The following IL18RAP variants were observed in gnomAD, a reference collection of about 807,000 sequenced individuals.
The protein encoded by IL18RAP is interleukin 18 receptor accessory protein, also known as interleukin-18 receptor accessory protein.
Under a neutral mutation model 58.1 loss-of-function variants are expected in IL18RAP, and 37 were observed. The observed-to-expected ratio is 0.64, with a 90% CI of 0.49 to 0.84. The LOEUF (loss-of-function observed/expected upper bound fraction) is 0.84, where lower values mean the gene tolerates loss of function less well. Ranked by LOEUF, IL18RAP falls within the 40% of genes least tolerant of loss-of-function variation. The probability of loss-of-function intolerance (pLI) is 0.00; values close to 1 mark genes in which losing one functional copy is unlikely to be tolerated. For missense variants in IL18RAP, 667 were observed against 704.8 expected (o/e 0.95, Z 0.61); for synonymous variants, 268 against 257.5 (o/e 1.04, Z -0.39).
In IL18RAP at chr2:102,452,052, C is replaced by T; in HGVS notation, c.1671C>T (p.Tyr557=). 6.2e-7 allele frequency: 1 copy of T among 1,614,156 alleles called. No individual in the cohort carries two copies. The highest frequency in any genetic ancestry group is 8.5e-7 in the Non-Finnish European group (1 of 1,180,040). ...PNSRFWAKMR[Y]HMPVKNSQGF... ...CTAGGTTCTGGGCCAAAATGCGCTA[C>T]CACATGCCTGTGAAAAACTCTCAGG... The change falls in exon 10 of 10, where the codon TAC becomes TAT. Residue 557 remains tyrosine (Y), a synonymous_variant. Transcript: ENST00000687160.
intron 5 of IL18RAP, among the ~76,000 whole-genome samples, chr2:102,442,737 T>C (rs1683180572): frequency 7.0e-6 from 1 of 142,962 alleles, no homozygotes; most frequent in South Asian, 2.3e-4. Context: ...TTGCTTAATA[T>C]CGAAATAATT....
At chr2:102,441,119 C>T (rs1683076746) in intron 4 of IL18RAP, among the ~76,000 whole-genome samples, 193 bp from the exon 5 acceptor site, 1 of 152,180 alleles carries the variant, frequency 6.6e-6, no homozygotes, top group South Asian at 2.1e-4. Flanking sequence ...CACCCACAAC[C>T]TGATGTGGCA....
At position 102,437,444 on chromosome 2, in the gene IL18RAP, C is replaced by T. The variant is rs1293835265; in HGVS notation, c.730+82C>T. 3 of 1,394,926 alleles carry T rather than the reference C, an allele frequency of 2.2e-6. No individual in the cohort carries two copies. The South Asian group carries it at 4.1e-5, about 19-fold the overall frequency. The allele number at this position is 1,394,926 out of a possible 1,614,324, so 86.4% of individuals were successfully genotyped here. On this transcript the variant is annotated intron_variant, in intron 4 of 9. Transcript: ENST00000687160. The stretch of plus-strand genomic sequence containing the variant: ...TCTTTTGGCTTAGTAAGTTTTTCCT[C>T]TTAGGGAAAGAAAAGGATAGTCATA...
At chr2:102,426,458 T>A (rs1681949452) in intron 3 of IL18RAP, among the ~76,000 whole-genome samples, 1 of 152,064 alleles carries the variant, frequency 6.6e-6, no homozygotes, top group South Asian at 2.1e-4. Context: ...TATTTTAAAA[T>A]TATTTTTAAT....
At chr2:102,422,301 C>G (rs950141494), upstream of IL18RAP, among the ~76,000 whole-genome samples, 3 of 152,226 alleles carry the variant, frequency 2.0e-5, no homozygotes, top group Admixed American at 6.5e-5. Context: ...TCTCTCTGCT[C>G]TGCTCCTTGC....
intron 3 of IL18RAP, among the ~76,000 whole-genome samples, chr2:102,427,132 T>G (rs1258647824): frequency 6.6e-6 from 1 of 152,164 alleles, no homozygotes; most frequent in Non-Finnish European, 1.5e-5. Flanking sequence ...ATGTACCACA[T>G]TTTCTTTGTC....
intron 5 of IL18RAP, 80 bp downstream of exon 5, chr2:102,441,457 G>A (rs2104360955): frequency 9.2e-7 from 1 of 1,090,402 alleles, no homozygotes; most frequent in Non-Finnish European, 1.4e-6. Flanking sequence ...AAACAGCATT[G>A]GGATTTCCAG....
At chr2:102,436,673 C>G (rs1682760404) in intron 3 of IL18RAP, among the ~76,000 whole-genome samples, 1 of 140,692 alleles carries the variant, frequency 7.1e-6, no homozygotes, top group African/African-American at 2.6e-5. Flanking sequence ...CCAGCTTTGT[C>G]AGAGAGAGAA....
intron 1 of IL18RAP, 89 bp from the exon 2 acceptor site, chr2:102,423,722 T>A (rs9807934): frequency 7.6e-6 from 7 of 920,480 alleles, no homozygotes; most frequent in South Asian, 5.1e-5. Context: ...AAGCTAGATC[T>A]CTTGTTAAAT....
At chr2:102,447,726 G>GTATGTATTTATT (rs377209832) in intron 8 of IL18RAP, among the ~76,000 whole-genome samples, 29 of 149,752 alleles carry the variant, frequency 1.9e-4, no homozygotes, top group Admixed American at 9.3e-4. Context: ...ATGTATGTAT[G>GTATGTATTTATT]TATTTATTTA....
intron 5 of IL18RAP, among the ~76,000 whole-genome samples, chr2:102,442,027 C>G (rs1334526137): frequency 6.6e-6 from 1 of 152,148 alleles, no homozygotes; most frequent in Middle Eastern, 3.2e-3. Context: ...TTAGGTCTAT[C>G]AGTTATGACT....
At chr2:102,449,735 G>A (rs1172597923) in intron 8 of IL18RAP, among the ~76,000 whole-genome samples, 3 of 152,146 alleles carry the variant, frequency 2.0e-5, no homozygotes, top group Non-Finnish European at 4.4e-5. Flanking sequence ...GTAGTTTCCA[G>A]GTTATAGAAA....
chr2:102,446,509 G>C (rs1019773498), intron 7 of IL18RAP, among the ~76,000 whole-genome samples: 1 of 151,892 alleles, frequency 6.6e-6, no homozygotes, highest in Admixed American at 6.6e-5. Context: ...ATGCCTTTGC[G>C]TCCTCATAGC....
chr2:102,425,800 G>A (rs1481083818), intron 3 of IL18RAP, among the ~76,000 whole-genome samples: 2 of 152,064 alleles, frequency 1.3e-5, no homozygotes, highest in African/African-American at 4.8e-5. Flanking sequence ...TACTTTTCAG[G>A]TGAGCACAAG....
chr2:102,444,093 G>A (rs753278521), intron 6 of IL18RAP, among the ~76,000 whole-genome samples: 1 of 152,202 alleles, frequency 6.6e-6, no homozygotes, highest in Admixed American at 6.5e-5. Context: ...GTGACCCAGA[G>A]TAAGAGTCTA....
intron 3 of IL18RAP, among the ~76,000 whole-genome samples, chr2:102,433,102 C>A (rs1467910954): frequency 6.6e-6 from 1 of 152,116 alleles, no homozygotes; most frequent in Non-Finnish European, 1.5e-5. Context: ...GTTAGTAGGA[C>A]TTGCACCTTG....
chr2:102,431,637 C>G (rs947015649), intron 3 of IL18RAP, among the ~76,000 whole-genome samples: 1 of 151,970 alleles, frequency 6.6e-6, no homozygotes, highest in Non-Finnish European at 1.5e-5. Flanking sequence ...CAAATGTCAT[C>G]TCTGACATCA....
At position 102,431,433 on chromosome 2, in the gene IL18RAP, T is replaced by C. The variant is rs187999876; in HGVS notation, c.580-5779T>C. On this transcript the variant is annotated intron_variant, in intron 3 of 9. Coordinates refer to ENST00000687160, the MANE Select transcript of IL18RAP (RefSeq NM_001393487.1). ...TGGGTTGAATTTGATTGGCAACTTC[T>C]GAGTTTCCTATGCATGAATGTCATC... Among the ~76,000 whole-genome samples, 40 of 152,362 alleles carry C rather than the reference T, an allele frequency of 2.6e-4. No homozygotes were observed. In the East Asian group the frequency reaches 3.3e-3, roughly 12 times the overall value.
intron 6 of IL18RAP, 118 bp from the exon 7 acceptor site, chr2:102,445,071 T>C (rs749258323): frequency 2.2e-5 from 17 of 761,682 alleles, no homozygotes; most frequent in Non-Finnish European, 3.4e-5. Flanking sequence ...TATCTTATAC[T>C]ATTGATCTCA....
Sources: allele counts gnomAD v4.1 joint callset (sites outside exome capture counted in the v4.1 genomes callset), GRCh38; gene constraint gnomAD v4.1.1; transcripts MANE v1.5; gene names NCBI Gene and HGNC (gene_info 2026-07-23, HGNC 2026-07-21).